The following RGS7 variants were observed in gnomAD, a reference collection of about 807,000 sequenced individuals.
The protein encoded by RGS7 is regulator of G-protein signaling 7.
A neutral mutation model predicts 81.1 loss-of-function variants in RGS7; 27 were observed. The observed-to-expected ratio is 0.33, with a 90% CI of 0.25 to 0.46. The LOEUF is 0.46. RGS7 is among the 20% of genes least tolerant of loss of function. The pLI is 1.00. For missense variants in RGS7, 396 were observed against 607.4 expected (o/e 0.65, Z 3.66); for synonymous variants, 208 against 207.7 (o/e 1.00, Z -0.01).
chr1:240,911,218 G>A (rs541683724), intron 6 of RGS7, among the ~76,000 whole-genome samples: 1 of 152,086 alleles, frequency 6.6e-6, no homozygotes, highest in East Asian at 1.9e-4. Context: ...TTGCAGGGAG[G>A]TTCTTTCTCT....
At position 241,352,735 on chromosome 1, in the gene RGS7, C is replaced by T. The variant is rs531573625; in HGVS notation, c.78+2964G>A. On this transcript the variant is annotated intron_variant, in intron 2 of 18. Transcript: ENST00000440928. Reference sequence around the variant, plus strand: ...TTCCATAAGATTCCTATGGACTTCTCCATGGAAAACAGATCCCTGGAATCT... The same window carrying T: ...TTCCATAAGATTCCTATGGACTTCTTCATGGAAAACAGATCCCTGGAATCT... 7.9e-5 allele frequency among the ~76,000 whole-genome samples: 12 copies of T among 152,306 alleles called. No individual in the cohort carries two copies. In the East Asian group the frequency reaches 1.2e-3, roughly 15 times the overall value.
intron 2 of RGS7, among the ~76,000 whole-genome samples, chr1:241,135,321 G>A (rs2067425163): frequency 6.6e-6 from 1 of 152,236 alleles, no homozygotes; most frequent in Non-Finnish European, 1.5e-5. Context: ...CAGCTACTCG[G>A]GAGGCTGAGG....
Position 240,806,265 on chromosome 1 carries a change from G to A in RGS7, c.1144C>T (p.Gln382Ter), listed in dbSNP as rs1344316159. Residue 382 changes from glutamine to a stop codon, truncating the protein, a stop_gained, in exon 15 of 19, where the codon CAG becomes TAG. Transcript: ENST00000440928. LOFTEE classifies it high-confidence loss of function. ...RPIKEVPSRV[Q>*]EIWQEFLAPG... is the part of the protein sequence containing the mutation. ...GCCAGAAACTCTTGCCATATTTCCT[G>A]AACTCTTGAGGGTACTTCTTTAATA... 2 of 1,613,956 alleles carry A rather than the reference G, an allele frequency of 1.2e-6. No individual in the cohort carries two copies. Among genetic ancestry groups the A allele is most frequent in the Non-Finnish European group, 1.7e-6 (2 of 1,179,944 alleles).
intron 2 of RGS7, among the ~76,000 whole-genome samples, chr1:241,132,597 C>T (rs1368873949): frequency 6.6e-6 from 1 of 152,132 alleles, no homozygotes; most frequent in African/African-American, 2.4e-5. Flanking sequence ...AGCATGAAAG[C>T]CCATGACACA....
intron 4 of RGS7, among the ~76,000 whole-genome samples, chr1:240,971,940 C>T (rs919055632): frequency 1.3e-5 from 2 of 152,102 alleles, no homozygotes; most frequent in East Asian, 3.9e-4. Context: ...ATGCTTCTAC[C>T]GCTTCCCTCT....
intron 4 of RGS7, among the ~76,000 whole-genome samples, chr1:240,977,906 G>A (rs1684382213): frequency 6.6e-6 from 1 of 152,170 alleles, no homozygotes; most frequent in Non-Finnish European, 1.5e-5. Flanking sequence ...GCCATGTCTT[G>A]GAGGCAGCTT....
chr1:241,099,323 A>C (rs2064537424), intron 2 of RGS7, among the ~76,000 whole-genome samples: 1 of 140,476 alleles, frequency 7.1e-6, no homozygotes, highest in South Asian at 2.1e-4. Flanking sequence ...ACACACATAC[A>C]CACTCTCATG....
chr1:241,206,960 GTTTTTTTTTTTTT>G (rs67087891), intron 2 of RGS7, among the ~76,000 whole-genome samples: 1 of 70,706 alleles, frequency 1.4e-5, no homozygotes, highest in Non-Finnish European at 2.5e-5. Flanking sequence ...TCTCTCTCTG[GTTTTTTTTTTTTT>G]TTTTTTTTTT....
At chr1:241,285,855 C>T (rs1428711944) in intron 2 of RGS7, among the ~76,000 whole-genome samples, 1 of 152,164 alleles carries the variant, frequency 6.6e-6, no homozygotes, top group African/African-American at 2.4e-5. Flanking sequence ...CATCTTTTCC[C>T]CACTTCTTAC....
At chr1:241,051,665 T>C (rs895789276) in intron 3 of RGS7, among the ~76,000 whole-genome samples, 1 of 151,762 alleles carries the variant, frequency 6.6e-6, no homozygotes, top group African/African-American at 2.4e-5. Flanking sequence ...TAGAGAGAAC[T>C]TGAAGTACAA....
chr1:240,972,575 T>A (rs575653716), intron 4 of RGS7, among the ~76,000 whole-genome samples: 2 of 129,472 alleles, frequency 1.5e-5, no homozygotes, highest in Admixed American at 7.7e-5. Context: ...AGGGATAGCA[T>A]TGGGAGATAT....
rs761499974 is a variant in RGS7 at position 240,799,254 on chromosome 1, T to G, written c.*6+1387A>C. Among the ~76,000 whole-genome samples, 123 of 10,274 alleles carry G rather than the reference T, an allele frequency of 0.012. 7 individuals are homozygous for G. The South Asian group carries it at 0.14, about 12-fold the overall frequency. The allele number at this position is 10,274 out of a possible 152,430, so 6.7% of individuals were successfully genotyped here. Reference sequence around the variant, plus strand: ...GTGTCTGAAAGTTATTATTATGGTTTGTGTGTGTGTGTGTGTGTGTGTGTG... The same window carrying G: ...GTGTCTGAAAGTTATTATTATGGTTGGTGTGTGTGTGTGTGTGTGTGTGTG... On this transcript the variant is annotated intron_variant, in intron 18 of 18. Transcript: ENST00000440928.
rs1232861667 is a variant in RGS7 at position 241,172,489 on chromosome 1, T to G, written c.79-73727A>C. Among the ~76,000 whole-genome samples, 3 of 152,116 alleles carry G rather than the reference T, an allele frequency of 2.0e-5. 1 individual carries two copies. In the East Asian group the frequency reaches 5.8e-4, roughly 29 times the overall value. On this transcript the variant is annotated intron_variant, in intron 2 of 18. Coordinates refer to ENST00000440928, the MANE Select transcript of RGS7 (RefSeq NM_001364886.1). ...AACAGCATGAAACAGCTATTGGAAT[T>G]TATACCTTTTTTTTAAACTCACAGA...
At chr1:240,802,846 C>T in intron 16 of RGS7, 58 bp downstream of exon 16, 1 of 1,111,294 alleles carries the variant, frequency 9.0e-7, no homozygotes, top group South Asian at 1.2e-5. Context: ...GGTAATTACT[C>T]CAAATAATTA....
intron 4 of RGS7, among the ~76,000 whole-genome samples, chr1:240,943,627 T>C (rs1677976955): frequency 6.6e-6 from 1 of 152,194 alleles, no homozygotes; most frequent in Non-Finnish European, 1.5e-5. Flanking sequence ...AACCAGAGTG[T>C]TTTGTGGGCT....
rs1475086899 is a variant in RGS7, at chr1:240,905,127, T to C, written c.385+25590A>G. Among the ~76,000 whole-genome samples, 3 of 152,340 alleles carry C rather than the reference T, an allele frequency of 2.0e-5. No homozygotes were observed. The East Asian group carries it at 5.8e-4, about 29-fold the overall frequency. On this transcript the variant is annotated intron_variant, in intron 6 of 18. Transcript: ENST00000440928. The stretch of plus-strand genomic sequence containing the variant: ...ATATTTTAAGACAAGAATAATATGA[T>C]TTGCAAATCAAAATCCATTTAAGAC...
At chr1:241,352,878 C>T (rs766435480) in intron 2 of RGS7, among the ~76,000 whole-genome samples, 2 of 152,202 alleles carry the variant, frequency 1.3e-5, no homozygotes, top group African/African-American at 4.8e-5. Flanking sequence ...ACTTTGGAAA[C>T]CAATAGCCTA....
chr1:241,191,889 C>T (rs917761258), intron 2 of RGS7, among the ~76,000 whole-genome samples: 2 of 152,170 alleles, frequency 1.3e-5, no homozygotes, highest in Non-Finnish European at 2.9e-5. Flanking sequence ...TGTTCATATG[C>T]GGGCAGGGGT....
In RGS7 at chr1:241,045,563, T is replaced by C. The variant is rs6691476; in HGVS notation, c.175+53103A>G. ...ATTTTTAGTGGAGACAGGGTTTTACTATGTTGGCCAGGCTGGTCTTGAATT... is the reference window on the plus strand; with the variant it reads ...ATTTTTAGTGGAGACAGGGTTTTACCATGTTGGCCAGGCTGGTCTTGAATT... On this transcript the variant is annotated intron_variant, in intron 3 of 18. Transcript: ENST00000440928. Among the ~76,000 whole-genome samples the C allele has an allele frequency of 4.1e-3, 619 of 152,128 alleles. 6 individuals are homozygous for C. The highest frequency in any genetic ancestry group is 0.014 in the African/African-American group (591 of 41,522).
Sources: gnomAD v4.1 joint callset for allele counts (sites outside exome capture counted in the v4.1 genomes callset) on GRCh38, gnomAD v4.1.1 for gene constraint, MANE v1.5 for transcripts, NCBI Gene and HGNC (gene_info 2026-07-23, HGNC 2026-07-21) for gene names.